Variants in RNLS observed in about 807,000 individuals in gnomAD.
The protein encoded by RNLS is renalase, FAD dependent amine oxidase.
Under a neutral mutation model 39.8 loss-of-function variants are expected in RNLS, and 39 were observed. The observed-to-expected ratio is 0.98, with a 90% CI of 0.76 to 1.28. RNLS has a LOEUF of 1.28. RNLS is among the 50% of genes most tolerant of loss of function. The pLI, the probability that RNLS is intolerant of heterozygous loss-of-function variation, is 0.00. For missense variants in RNLS, 410 were observed against 413.3 expected (o/e 0.99, Z 0.07); for synonymous variants, 147 against 150.7 (o/e 0.98, Z 0.18).
At chr10:88,241,430 A>T in the RNLS span, among the ~76,000 whole-genome samples, 1 of 152,160 alleles carries the variant, frequency 6.6e-6, no homozygotes, top group Non-Finnish European at 1.5e-5. Context: ...TTTTAAATAT[A>T]TTGGCCTAAA....
At chr10:88,565,935 A>G (rs913801320) in intron 4 of RNLS, among the ~76,000 whole-genome samples, 2 of 151,780 alleles carry the variant, frequency 1.3e-5, no homozygotes, top group Non-Finnish European at 2.9e-5. Context: ...TTTTTGGTAG[A>G]GATGGGTTTC....
At chr10:88,559,469 T>C (rs1379452488) in intron 4 of RNLS, among the ~76,000 whole-genome samples, 1 of 152,118 alleles carries the variant, frequency 6.6e-6, no homozygotes, top group African/African-American at 2.4e-5. Context: ...CTGCCCCAAA[T>C]CCATCTCTCT....
At chr10:88,328,937 CTTTAT>C (rs547206486) in intron 5 of RNLS, among the ~76,000 whole-genome samples, 222 of 151,960 alleles carry the variant, frequency 1.5e-3, no homozygotes, top group Admixed American at 2.8e-3. Flanking sequence ...CTTAAAATGT[CTTTAT>C]TTTATCTGCA....
intron 4 of RNLS, among the ~76,000 whole-genome samples, chr10:88,543,169 A>T (rs1165301433): frequency 6.6e-6 from 1 of 152,090 alleles, no homozygotes; most frequent in Non-Finnish European, 1.5e-5. Context: ...TCTGCTCAGT[A>T]GTTTCCAGCC....
At chr10:88,471,676 G>C (rs1441486268) in intron 4 of RNLS, among the ~76,000 whole-genome samples, 1 of 152,156 alleles carries the variant, frequency 6.6e-6, no homozygotes, top group Non-Finnish European at 1.5e-5. Context: ...ATAGTGAAAG[G>C]ACGCAGATTA....
At chr10:88,562,884 A>G (rs896658581) in intron 4 of RNLS, among the ~76,000 whole-genome samples, 2 of 152,162 alleles carry the variant, frequency 1.3e-5, no homozygotes, top group Non-Finnish European at 2.9e-5. Flanking sequence ...TGCTGGATTT[A>G]AAAACTCAGG....
intron 4 of RNLS, among the ~76,000 whole-genome samples, chr10:88,371,018 A>G (rs1293298127): frequency 6.6e-6 from 1 of 152,160 alleles, no homozygotes; most frequent in Non-Finnish European, 1.5e-5. Flanking sequence ...CCCTGAGGAA[A>G]TATTTCTTTC....
rs1852093829 is a variant in RNLS at position 88,389,884 on chromosome 10, GA to G, written c.527-27160del. Among the ~76,000 whole-genome samples the G allele has an allele frequency of 2.6e-5, 4 of 152,218 alleles. No homozygotes were observed. In the South Asian group the frequency reaches 8.3e-4, roughly 32 times the overall value. ...AATACATACAATTCCAAATCCATTA[GA>G]AAATGAGGGCCAGAAGCCACAGCAT... On this transcript the variant is annotated intron_variant, in intron 4 of 6. Transcript: ENST00000331772.
chr10:88,171,973 G>T, the RNLS span, among the ~76,000 whole-genome samples: 1 of 152,208 alleles, frequency 6.6e-6, no homozygotes, highest in South Asian at 2.1e-4. Flanking sequence ...GCCATATTGT[G>T]GTGAGTGTCA....
chr10:88,250,836 A>G, the RNLS span, among the ~76,000 whole-genome samples: 1 of 152,238 alleles, frequency 6.6e-6, no homozygotes, highest in African/African-American at 2.4e-5. Flanking sequence ...TCCTAGAAAT[A>G]TAATTCGTGA....
At chr10:88,333,371 G>A (rs1392122374) in intron 5 of RNLS, among the ~76,000 whole-genome samples, 1 of 152,148 alleles carries the variant, frequency 6.6e-6, no homozygotes, top group Non-Finnish European at 1.5e-5. Flanking sequence ...TTTGGTATCA[G>A]AACTGGCAGC....
At chr10:88,485,477 G>T (rs1309535147) in intron 4 of RNLS, among the ~76,000 whole-genome samples, 4 of 151,500 alleles carry the variant, frequency 2.6e-5, no homozygotes, top group African/African-American at 4.8e-5. Flanking sequence ...ACACTTAATA[G>T]AAAACCTAAA....
the RNLS span, among the ~76,000 whole-genome samples, chr10:88,178,358 AC>A: frequency 6.6e-6 from 1 of 152,140 alleles, no homozygotes; most frequent in Non-Finnish European, 1.5e-5. Flanking sequence ...AGTGAGGGCG[AC>A]CAAGTGTGAA....
At chr10:88,395,343 C>T (rs80253150) in intron 4 of RNLS, among the ~76,000 whole-genome samples, 4,386 of 150,472 alleles carry the variant, frequency 0.029, 170 homozygotes, top group South Asian at 0.12. Context: ...AAACTATGTC[C>T]GAGGAACTAA....
chr10:88,451,156 G>A (rs1036174678), intron 4 of RNLS, among the ~76,000 whole-genome samples: 1 of 152,204 alleles, frequency 6.6e-6, no homozygotes, highest in African/African-American at 2.4e-5. Flanking sequence ...AGCAGTCTGA[G>A]TGGCATTTGG....
At chr10:88,575,124 G>GTATATATATATATATATATA (rs1174268534) in intron 3 of RNLS, among the ~76,000 whole-genome samples, 4 of 98,902 alleles carry the variant, frequency 4.0e-5, no homozygotes, top group Admixed American at 3.5e-4. Context: ...GTTCTGCAAA[G>GTATATATATATATATATATA]TATATATATA....
intron 4 of RNLS, among the ~76,000 whole-genome samples, chr10:88,541,178 T>C (rs1848018822): frequency 6.6e-6 from 1 of 152,166 alleles, no homozygotes; most frequent in African/African-American, 2.4e-5. Context: ...GAATGGAACA[T>C]AAATCAATAT....
rs532262756 is a variant in RNLS, at chr10:88,438,733, G to A, written c.527-76008C>T. Reference sequence around the variant, plus strand: ...ACAGGTGATAATATTTATTTCAACAGTGTGGGCTGACCAGAAGTCTACTGG... The same window carrying A: ...ACAGGTGATAATATTTATTTCAACAATGTGGGCTGACCAGAAGTCTACTGG... On this transcript the variant is annotated intron_variant, in intron 4 of 6. Transcript: ENST00000331772. Among the ~76,000 whole-genome samples, 108 of 152,314 alleles carry A rather than the reference G, an allele frequency of 7.1e-4. 1 individual carries two copies. In the South Asian group the frequency reaches 8.5e-3, roughly 12 times the overall value.
At chr10:88,187,145 A>AT in the RNLS span, among the ~76,000 whole-genome samples, 2 of 141,060 alleles carry the variant, frequency 1.4e-5, no homozygotes, top group East Asian at 3.9e-4. Context: ...CTGCTCAAAA[A>AT]ATATATATAT....
Sources: allele counts gnomAD v4.1 joint callset (sites outside exome capture counted in the v4.1 genomes callset), GRCh38; gene constraint gnomAD v4.1.1; transcripts MANE v1.5; gene names NCBI Gene and HGNC (gene_info 2026-07-23, HGNC 2026-07-21).